The following TRPV3 variants were observed in gnomAD, a reference collection of about 807,000 sequenced individuals.
TRPV3 encodes VRL-3.
A neutral mutation model predicts 87.1 loss-of-function variants in TRPV3; 88 were observed. That is an observed-to-expected ratio of 1.01 (90% CI 0.85 to 1.21). TRPV3 has a LOEUF of 1.21. Ranked by LOEUF, TRPV3 falls within the 50% of genes most tolerant of loss-of-function variation. The probability of loss-of-function intolerance (pLI) is 0.00; values close to 1 mark genes in which losing one functional copy is unlikely to be tolerated. For synonymous variants in TRPV3, 438 were observed against 423.3 expected, an observed-to-expected ratio of 1.03 and a Z score of -0.43; for missense variants, 1,054 against 1,030.1, an observed-to-expected ratio of 1.02 and a Z score of -0.32.
At chr17:3,526,421 T>C (rs978659076) in intron 12 of TRPV3, among the ~76,000 whole-genome samples, 3 of 151,786 alleles carry the variant, frequency 2.0e-5, no homozygotes, top group Non-Finnish European at 2.9e-5. Context: ...GAGGTTGCAG[T>C]GAGCCGAGGT....
intron 9 of TRPV3, among the ~76,000 whole-genome samples, chr17:3,529,699 A>C (rs2074331104): frequency 6.6e-6 from 1 of 152,020 alleles, no homozygotes; most frequent in Middle Eastern, 3.2e-3. Flanking sequence ...GAGAAACAAT[A>C]TGGAAAGGAT....
chr17:3,514,842 C>G (rs1426923486), intron 16 of TRPV3, among the ~76,000 whole-genome samples, 170 bp from the exon 17 acceptor site: 1 of 151,918 alleles, frequency 6.6e-6, no homozygotes, highest in Non-Finnish European at 1.5e-5. Flanking sequence ...GGAGTTTGAA[C>G]TCTATCCCCA....
rs12944745 is a variant in TRPV3 at position 3,544,978 on chromosome 17, C to T, written c.224+189G>A. On this transcript the variant is annotated intron_variant, in intron 3 of 17. Transcript: ENST00000576742. Reference sequence around the variant, plus strand: ...GCAGTGAGCTGAGATTGGGCCACTGCACTCCAGCCTGGGCAACAGAGCGAC... The same window carrying T: ...GCAGTGAGCTGAGATTGGGCCACTGTACTCCAGCCTGGGCAACAGAGCGAC... Among the ~76,000 whole-genome samples, 37,808 of 152,126 alleles carry T rather than the reference C, an allele frequency of 0.25. 5,915 individuals are homozygous for T. The highest frequency in any genetic ancestry group is 0.35 in the Non-Finnish European group (23,512 of 67,966).
At chr17:3,522,838 GC>G (rs2074260771) in intron 13 of TRPV3, among the ~76,000 whole-genome samples, 1 of 145,638 alleles carries the variant, frequency 6.9e-6, no homozygotes, top group Admixed American at 6.8e-5. Flanking sequence ...AAAAAAAAAA[GC>G]AAAAATTATT....
chr17:3,529,214 T>A (rs1313214414), intron 9 of TRPV3, among the ~76,000 whole-genome samples: 1 of 152,112 alleles, frequency 6.6e-6, no homozygotes, highest in African/African-American at 2.4e-5. Flanking sequence ...GAGCCCGGGC[T>A]TGCAGCAGGA....
At chr17:3,526,983 G>T in intron 11 of TRPV3, 56 bp from the exon 12 acceptor site, 1 of 1,413,834 alleles carries the variant, frequency 7.1e-7, no homozygotes, top group Non-Finnish European at 9.8e-7. Flanking sequence ...CAGCAGGGGA[G>T]CTGAGCAGAG....
At chr17:3,549,867 A>G (rs12449973) in intron 2 of TRPV3, among the ~76,000 whole-genome samples, 139,315 of 151,570 alleles carry the variant, frequency 0.92, 65,052 homozygotes, top group East Asian at 1. Flanking sequence ...AATGACAGAT[A>G]TATGTATGTA....
At chr17:3,524,429 A>G (rs2150784941) in intron 12 of TRPV3, 66 bp from the exon 13 acceptor site, 2 of 1,589,434 alleles carry the variant, frequency 1.3e-6, no homozygotes, top group Non-Finnish European at 1.7e-6. Flanking sequence ...AGATATGCAA[A>G]TCCCCCAAAC....
chr17:3,546,213 G>A (rs1005875218), intron 2 of TRPV3, among the ~76,000 whole-genome samples: 5 of 152,156 alleles, frequency 3.3e-5, no homozygotes, highest in Admixed American at 6.5e-5. Flanking sequence ...AGGCCTAGGC[G>A]GGCGGATCAT....
At chr17:3,543,753 T>C (rs1335228007) in intron 4 of TRPV3, 125 bp from the exon 5 acceptor site, 1 of 1,298,516 alleles carries the variant, frequency 7.7e-7, no homozygotes, top group African/African-American at 1.5e-5. Context: ...CCTGTCACAA[T>C]GCCTGCAAAC....
intron 6 of TRPV3, among the ~76,000 whole-genome samples, 165 bp downstream of exon 6, chr17:3,542,356 AG>A: frequency 6.6e-6 from 1 of 152,230 alleles, no homozygotes; most frequent in Non-Finnish European, 1.5e-5. Flanking sequence ...TGCAGAATGA[AG>A]GAAGAAAGAG....
At chr17:3,525,408 G>C (rs1019790391) in intron 12 of TRPV3, among the ~76,000 whole-genome samples, 2 of 152,132 alleles carry the variant, frequency 1.3e-5, no homozygotes, top group Non-Finnish European at 2.9e-5. Context: ...CCAATTCACA[G>C]AGAAAGATGG....
intron 1 of TRPV3, 43 bp from the exon 2 acceptor site, chr17:3,554,895 G>A (rs1265714571): frequency 2.1e-6 from 3 of 1,433,536 alleles, no homozygotes; most frequent in Admixed American, 1.8e-5. Flanking sequence ...CGGGGGGACA[G>A]GGGGAGCTTC....
chr17:3,514,152 C>G, intron 17 of TRPV3, 141 bp from the exon 18 acceptor site: 1 of 652,288 alleles, frequency 1.5e-6, no homozygotes. Flanking sequence ...GATCTCAGCT[C>G]ACTGCAACCT....
Position 3,530,150 on chromosome 17 carries a change from C to G in TRPV3, c.1119G>C (p.Leu373=). 6.2e-7 allele frequency: 1 copy of G among 1,614,100 alleles called. No homozygotes were observed. The highest frequency in any genetic ancestry group is 8.5e-7 in the Non-Finnish European group (1 of 1,179,974). ...ACGCCCAGTCGGTGAACTTCCTGGACAGGCTCCGGAGCCGCTTCTCCTTGA... is the reference window on the plus strand; with the variant it reads ...ACGCCCAGTCGGTGAACTTCCTGGAGAGGCTCCGGAGCCGCTTCTCCTTGA... ...REIKEKRLRS[L]SRKFTDWAYG... Residue 373 remains leucine (L), a synonymous_variant, in exon 9 of 18, where the codon CTG becomes CTC. Coordinates refer to ENST00000576742, the MANE Select transcript of TRPV3 (RefSeq NM_145068.4). This position sits in a 1 kb window ranked among gnomAD's most constrained non-coding sequence, Gnocchi z 4.0.
intron 6 of TRPV3, among the ~76,000 whole-genome samples, chr17:3,536,417 G>A (rs1041607555): frequency 1.3e-5 from 2 of 152,074 alleles, no homozygotes; most frequent in African/African-American, 4.8e-5. Context: ...GGTGAAACAT[G>A]GTCTGTACTA....
intron 6 of TRPV3, 47 bp from the exon 7 acceptor site, chr17:3,535,760 G>GATCCAAAA (rs2074404007): frequency 7.1e-7 from 1 of 1,416,696 alleles, no homozygotes; most frequent in Non-Finnish European, 9.2e-7. Context: ...CCGGGCACAG[G>GATCCAAAA]GGCCTCTTGC....
Position 3,532,767 on chromosome 17 carries a change from G to C in TRPV3, c.955C>G (p.Arg319Gly), listed in dbSNP as rs370662760. The C allele has an allele frequency of 6.2e-7, 1 of 1,614,130 alleles. No homozygotes were observed. Among genetic ancestry groups the C allele is most frequent in the East Asian group, 2.2e-5 (1 of 44,902 alleles). The change falls in exon 8 of 18, where the codon CGC becomes GGC. Residue 319 changes from arginine to glycine, a missense_variant. Arg to Gly is a moderately radical substitution (Grantham distance 125). Coordinates refer to ENST00000576742, the MANE Select transcript of TRPV3 (RefSeq NM_145068.4). ...CGCAGTAGGATCATGTCGTACATGC[G>C]CTTCACAAAGTCATTCTGCGTCTTG... ...DFKTQNDFVKRMYDMILLRSG... is the reference protein window; with the variant it reads ...DFKTQNDFVKGMYDMILLRSG...
chr17:3,529,980 T>C (rs770945889), intron 9 of TRPV3, 47 bp downstream of exon 9: 30 of 1,579,704 alleles, frequency 1.9e-5, no homozygotes, highest in Non-Finnish European at 2.5e-5. Context: ...TGGCCTGAGG[T>C]CCAGCCCTCT....
Sources: allele counts gnomAD v4.1 joint callset (sites outside exome capture counted in the v4.1 genomes callset), GRCh38; gene constraint gnomAD v4.1.1; non-coding constraint Gnocchi (gnomAD v3.1); transcripts MANE v1.5; gene names NCBI Gene and HGNC (gene_info 2026-07-23, HGNC 2026-07-21).